The following DAB1 variants were observed in gnomAD, a reference collection of about 807,000 sequenced individuals.
DAB1 encodes disabled homolog 1.
Under a neutral mutation model 64.6 loss-of-function variants are expected in DAB1, and 15 were observed. The ratio of observed to expected loss-of-function variants is 0.23; its 90% CI spans 0.16 to 0.36. The LOEUF (loss-of-function observed/expected upper bound fraction) is 0.36. Ranked by LOEUF, DAB1 falls within the 10% of genes least tolerant of loss-of-function variation. The probability of loss-of-function intolerance (pLI) is 1.00; values close to 1 mark genes in which losing one functional copy is unlikely to be tolerated. For missense variants in DAB1, 596 were observed against 706.7 expected (o/e 0.84, Z 1.78); for synonymous variants, 235 against 251.9 (o/e 0.93, Z 0.64).
intron 5 of DAB1, among the ~76,000 whole-genome samples, chr1:58,064,689 TTATTTATGTATTTATTTATGTATTTATG>T (rs1414593923): frequency 1.2e-4 from 13 of 111,596 alleles, no homozygotes; most frequent in East Asian, 8.1e-4. Context: ...ATTTTTTTAT[TTATTTATGTATTTATTTATGTATTTATG>T]TATTTATTTA....
At chr1:58,486,370 C>G (rs967476754) in intron 3 of DAB1, among the ~76,000 whole-genome samples, 3 of 152,170 alleles carry the variant, frequency 2.0e-5, no homozygotes, top group African/African-American at 7.2e-5. Context: ...CCACTGTTAT[C>G]TTTATATTAC....
intron 7 of DAB1, among the ~76,000 whole-genome samples, chr1:57,633,567 CTAGGTGTCCCATA>C (rs1174239726): frequency 1.3e-5 from 2 of 152,158 alleles, no homozygotes; most frequent in East Asian, 3.9e-4. Context: ...AGTGGGGAAT[CTAGGTGTCCCATA>C]TATTTTCTAA....
At chr1:57,137,603 A>G (rs1463152303) in intron 3 of DAB1, among the ~76,000 whole-genome samples, 1 of 152,220 alleles carries the variant, frequency 6.6e-6, no homozygotes, top group Non-Finnish European at 1.5e-5. Context: ...GTTGCTGACC[A>G]TGCATTAGGG....
chr1:57,244,615 A>G (rs2100492060), intron 2 of DAB1, among the ~76,000 whole-genome samples: 1 of 152,320 alleles, frequency 6.6e-6, no homozygotes, highest in South Asian at 2.1e-4. Context: ...GTAAACAAAC[A>G]ATATTAGTTA....
At chr1:58,221,636 T>C (rs1466330537) in intron 4 of DAB1, among the ~76,000 whole-genome samples, 1 of 152,222 alleles carries the variant, frequency 6.6e-6, no homozygotes. Context: ...TCACTTTATC[T>C]GTGAAATGGG....
At chr1:57,200,574 A>T (rs2100268543) in intron 2 of DAB1, among the ~76,000 whole-genome samples, 1 of 151,552 alleles carries the variant, frequency 6.6e-6, no homozygotes, top group Non-Finnish European at 1.5e-5. Flanking sequence ...TCTGGGTGTC[A>T]GTTTCCTCAT....
At chr1:57,334,720 A>T (rs1676944372) in intron 1 of DAB1, among the ~76,000 whole-genome samples, 1 of 152,206 alleles carries the variant, frequency 6.6e-6, no homozygotes, top group African/African-American at 2.4e-5. Flanking sequence ...TACTCACAAC[A>T]ATCCTGTGAA....
At chr1:57,252,996 C>T (rs368187884) in intron 2 of DAB1, among the ~76,000 whole-genome samples, 1 of 152,162 alleles carries the variant, frequency 6.6e-6, no homozygotes, top group East Asian at 1.9e-4. Flanking sequence ...AACGGAGACA[C>T]CCTTGCCCTC....
intron 3 of DAB1, among the ~76,000 whole-genome samples, chr1:58,386,219 T>C (rs918063607): frequency 6.6e-6 from 1 of 152,088 alleles, no homozygotes; most frequent in South Asian, 2.1e-4. Context: ...CCCTGAGAAA[T>C]GAGTTCCCTC....
rs1557427766 is a variant in DAB1, at chr1:57,695,364, GA to G, written n.552-45700del. Reference sequence around the variant, plus strand: ...AGAAAGAAAGAAAGAAAAGAAAGAAGAAAGAAAGAAAGAAAGAAAGAAAGAA... The same window carrying G: ...AGAAAGAAAGAAAGAAAAGAAAGAAGAAGAAAGAAAGAAAGAAAGAAAGAA... On this transcript the variant is annotated intron_variant and non_coding_transcript_variant, in intron 6 of 20. Transcript: ENST00000485760. 1.5e-3 allele frequency among the ~76,000 whole-genome samples: 62 copies of G among 40,174 alleles called. 1 individual carries two copies. Among genetic ancestry groups the G allele is most frequent in the African/African-American group, 0.01 (58 of 5,764 alleles). The allele number at this position is 40,174 out of a possible 152,430, so 26.4% of individuals were successfully genotyped here. A position where few individuals can be genotyped will look rare whatever the true frequency, so the allele number is the denominator to read the frequency against.
intron 1 of DAB1, among the ~76,000 whole-genome samples, chr1:57,312,443 A>G (rs1196796130): frequency 2.6e-5 from 4 of 152,122 alleles, no homozygotes; most frequent in African/African-American, 9.7e-5. Flanking sequence ...TCATTTTACC[A>G]CTGGGGAAAG....
At chr1:57,230,502 G>T (rs1667594280) in intron 2 of DAB1, among the ~76,000 whole-genome samples, 1 of 152,084 alleles carries the variant, frequency 6.6e-6, no homozygotes, top group Non-Finnish European at 1.5e-5. Flanking sequence ...TGGATTTGCT[G>T]TTAACAAACC....
chr1:57,528,519 C>T (rs72676943), intron 7 of DAB1, among the ~76,000 whole-genome samples: 30,880 of 151,794 alleles, frequency 0.2, 3,461 homozygotes, highest in Non-Finnish European at 0.25. Context: ...TTTTTTAAAA[C>T]GTGTATGCCA....
At chr1:57,447,841 G>T (rs1422243262) in intron 7 of DAB1, among the ~76,000 whole-genome samples, 1 of 152,146 alleles carries the variant, frequency 6.6e-6, no homozygotes, top group Non-Finnish European at 1.5e-5. Context: ...TCATTGAAAG[G>T]CTCCTGGTGG....
At chr1:57,987,839 T>C (rs994804884) in intron 5 of DAB1, among the ~76,000 whole-genome samples, 1 of 128,990 alleles carries the variant, frequency 7.8e-6, no homozygotes, top group Non-Finnish European at 1.8e-5. Flanking sequence ...GGTTTTTTTG[T>C]TTTTTTTGTT....
At position 57,585,069 on chromosome 1, in the gene DAB1, T is replaced by C. The variant is rs373776796; in HGVS notation, n.625+64523A>G. Among the ~76,000 whole-genome samples the C allele has an allele frequency of 3.6e-4, 55 of 152,008 alleles. 2 individuals are homozygous for C. The South Asian group carries it at 0.011, about 32-fold the overall frequency. ...TTCGAGACCAGCCTGGCCAACATGT[T>C]GAAACCTCGTCTCTACTAAAAATAC... On this transcript the variant is annotated intron_variant and non_coding_transcript_variant, in intron 7 of 20. Transcript: ENST00000485760.
At chr1:57,045,673 G>C (rs1300939738) in intron 9 of DAB1, among the ~76,000 whole-genome samples, 1 of 152,070 alleles carries the variant, frequency 6.6e-6, no homozygotes, top group Non-Finnish European at 1.5e-5. Context: ...ATTCCAGCCT[G>C]GGTGACAGAG....
chr1:57,303,305 C>T (rs77437207), intron 1 of DAB1, among the ~76,000 whole-genome samples: 8,344 of 152,198 alleles, frequency 0.055, 255 homozygotes, highest in Non-Finnish European at 0.074. Context: ...ACATGTTGTC[C>T]GTCACATGGC....
intron 2 of DAB1, among the ~76,000 whole-genome samples, chr1:57,201,590 T>G (rs1377812580): frequency 2.6e-5 from 4 of 152,036 alleles, no homozygotes; most frequent in Non-Finnish European, 5.9e-5. Context: ...TCAAAATTCA[T>G]GCAAAAACAC....
Sources: gnomAD v4.1 joint callset for allele counts (sites outside exome capture counted in the v4.1 genomes callset) on GRCh38, gnomAD v4.1.1 for gene constraint, MANE v1.5 for transcripts, NCBI Gene and HGNC (gene_info 2026-07-23, HGNC 2026-07-21) for gene names.